Variants in FHIT observed in about 807,000 individuals in gnomAD.
The protein encoded by FHIT is bis(5'-adenosyl)-triphosphatase.
A neutral mutation model predicts 17.9 loss-of-function variants in FHIT; 19 were observed. The observed-to-expected ratio is 1.06, with a 90% confidence interval of 0.74 to 1.56. The LOEUF (loss-of-function observed/expected upper bound fraction) is 1.56. FHIT is among the 40% of genes most tolerant of loss of function. FHIT has a pLI of 0.00. For missense variants in FHIT, 248 were observed against 189.2 expected, an observed-to-expected ratio of 1.31 and a Z score of -1.82; for synonymous variants, 81 against 69.7, an observed-to-expected ratio of 1.16 and a Z score of -0.81.
At chr3:60,508,288 T>C (rs563381227) in intron 5 of FHIT, among the ~76,000 whole-genome samples, 3 of 152,330 alleles carry the variant, frequency 2.0e-5, no homozygotes, top group East Asian at 1.9e-4. Flanking sequence ...TCTATAGTAC[T>C]ACTATCCATG....
intron 8 of FHIT, among the ~76,000 whole-genome samples, chr3:59,921,527 C>T (rs1195315579): frequency 6.6e-6 from 1 of 152,232 alleles, no homozygotes; most frequent in Non-Finnish European, 1.5e-5. Context: ...AGCATTTTTC[C>T]TTGCATCCAC....
At chr3:60,793,260 G>C (rs1231915177) in intron 4 of FHIT, among the ~76,000 whole-genome samples, 1 of 151,804 alleles carries the variant, frequency 6.6e-6, no homozygotes, top group Non-Finnish European at 1.5e-5. Context: ...TTAAGTCTCA[G>C]AATAAGATGC....
intron 5 of FHIT, among the ~76,000 whole-genome samples, chr3:60,460,942 C>CAA (rs2032422475): frequency 6.6e-6 from 1 of 152,122 alleles, no homozygotes; most frequent in Non-Finnish European, 1.5e-5. Context: ...TCATCAGTCC[C>CAA]AAACTTAGGA....
intron 5 of FHIT, among the ~76,000 whole-genome samples, chr3:60,283,818 G>T (rs1354954796): frequency 7.2e-6 from 1 of 138,562 alleles, no homozygotes; most frequent in Non-Finnish European, 1.6e-5. Context: ...CACCGAAAGA[G>T]GTAAAAAAAG....
intron 7 of FHIT, among the ~76,000 whole-genome samples, chr3:59,963,908 A>T (rs546185334): frequency 6.6e-6 from 1 of 152,370 alleles, no homozygotes; most frequent in Admixed American, 6.5e-5. Context: ...AAACAGATGC[A>T]TGTCACTAAA....
intron 5 of FHIT, among the ~76,000 whole-genome samples, chr3:60,508,576 C>G (rs2034826342): frequency 6.6e-6 from 1 of 152,116 alleles, no homozygotes; most frequent in South Asian, 2.1e-4. Flanking sequence ...AGTTTTTTCT[C>G]TTTCCATATA....
intron 5 of FHIT, among the ~76,000 whole-genome samples, chr3:60,265,775 A>C (rs1330295616): frequency 1.3e-5 from 2 of 151,962 alleles, no homozygotes; most frequent in African/African-American, 4.8e-5. Flanking sequence ...GGTTTTAAAT[A>C]GACATTTCTC....
At chr3:60,378,127 C>A (rs988694674) in intron 5 of FHIT, among the ~76,000 whole-genome samples, 38 of 151,820 alleles carry the variant, frequency 2.5e-4, no homozygotes. Flanking sequence ...CCTGGGTTCA[C>A]GCCATTTTCC....
intron 3 of FHIT, among the ~76,000 whole-genome samples, chr3:61,029,463 G>A (rs1318931291): frequency 5.9e-5 from 9 of 152,078 alleles, no homozygotes; most frequent in Non-Finnish European, 1.3e-4. Context: ...TGATTTAGCC[G>A]GCTAGCTCAG....
chr3:61,238,084 A>G (rs1254888077), intron 1 of FHIT, among the ~76,000 whole-genome samples: 1 of 152,218 alleles, frequency 6.6e-6, no homozygotes, highest in Admixed American at 6.5e-5. Flanking sequence ...AGCAATAAAC[A>G]GCACCAACAA....
At chr3:59,888,727 G>C (rs1356014560) in intron 8 of FHIT, among the ~76,000 whole-genome samples, 1 of 152,148 alleles carries the variant, frequency 6.6e-6, no homozygotes, top group Non-Finnish European at 1.5e-5. Flanking sequence ...ATGACCTTTA[G>C]AAAGACTCAG....
At chr3:60,914,282 A>G (rs769690953) in intron 3 of FHIT, among the ~76,000 whole-genome samples, 12 of 152,232 alleles carry the variant, frequency 7.9e-5, no homozygotes, top group Non-Finnish European at 1.8e-4. Context: ...TAAGGAATAC[A>G]TATCTTGAAA....
intron 5 of FHIT, among the ~76,000 whole-genome samples, chr3:60,178,633 G>A (rs1478499522): frequency 6.6e-6 from 1 of 152,030 alleles, no homozygotes; most frequent in Non-Finnish European, 1.5e-5. Flanking sequence ...TGTCAAGTCA[G>A]ATTCACTTCA....
chr3:61,070,326 G>T (rs1287068914), intron 2 of FHIT, among the ~76,000 whole-genome samples: 1 of 152,198 alleles, frequency 6.6e-6, no homozygotes, highest in Non-Finnish European at 1.5e-5. Flanking sequence ...GAGGTAATTG[G>T]ATGAGGACCA....
intron 4 of FHIT, among the ~76,000 whole-genome samples, chr3:60,786,718 A>G (rs1700588874): frequency 6.6e-6 from 1 of 152,206 alleles, no homozygotes; most frequent in African/African-American, 2.4e-5. Flanking sequence ...ATGAATAGGT[A>G]TATGTCTTTT....
intron 3 of FHIT, among the ~76,000 whole-genome samples, chr3:60,875,347 C>T (rs1305131461): frequency 1.3e-5 from 2 of 152,160 alleles, no homozygotes; most frequent in African/African-American, 2.4e-5. Flanking sequence ...GACTATCCTA[C>T]TCCCACTTTC....
intron 7 of FHIT, among the ~76,000 whole-genome samples, chr3:59,936,043 C>T: frequency 6.6e-6 from 1 of 152,104 alleles, no homozygotes; most frequent in East Asian, 1.9e-4. Flanking sequence ...TTAAAAAACT[C>T]CTCAGATATG....
intron 2 of FHIT, among the ~76,000 whole-genome samples, chr3:61,074,049 C>T (rs904052726): frequency 5.9e-5 from 9 of 152,134 alleles, no homozygotes; most frequent in Admixed American, 2.0e-4. Context: ...TTGATATTAA[C>T]CAACTTTCAG....
At chr3:59,943,647 C>T (rs902837847) in intron 7 of FHIT, among the ~76,000 whole-genome samples, 2 of 152,184 alleles carry the variant, frequency 1.3e-5, no homozygotes, top group Non-Finnish European at 2.9e-5. Flanking sequence ...CTTTGCTACT[C>T]TCTCAAGTAC....
Sources: allele counts gnomAD v4.1 joint callset (sites outside exome capture counted in the v4.1 genomes callset), GRCh38; gene constraint gnomAD v4.1.1; transcripts MANE v1.5; gene names NCBI Gene and HGNC (gene_info 2026-07-23, HGNC 2026-07-21).